Variants in GLIPR1L1 observed in about 807,000 individuals in gnomAD.
The protein encoded by GLIPR1L1 is GLIPR1-like protein 1.
Under a neutral mutation model 29.9 loss-of-function variants are expected in GLIPR1L1, and 26 were observed. That is an observed-to-expected ratio of 0.87 (90% CI 0.64 to 1.21). The LOEUF (loss-of-function observed/expected upper bound fraction) is 1.21. Ranked by LOEUF, GLIPR1L1 falls within the 50% of genes most tolerant of loss-of-function variation. GLIPR1L1 has a pLI of 0.00. For synonymous variants in GLIPR1L1, 77 were observed against 97.5 expected (o/e 0.79, Z 1.24); for missense variants, 305 against 290.3 (o/e 1.05, Z -0.37).
At chr12:75,369,832 A>C (rs553973228) in intron 4 of GLIPR1L1, 128 bp from the exon 5 acceptor site, 11 of 1,325,690 alleles carry the variant, frequency 8.3e-6, no homozygotes, top group Middle Eastern at 2.9e-4. Context: ...GGAAAGTTTC[A>C]TTTTCTTGTT....
chr12:75,363,023 AAAC>A (rs2043714364), intron 3 of GLIPR1L1, 76 bp from the exon 4 acceptor site: 1 of 634,004 alleles, frequency 1.6e-6, no homozygotes, highest in Non-Finnish European at 2.8e-6. Context: ...TAAATGACTA[AAAC>A]AACTTGCATA....
intron 4 of GLIPR1L1, among the ~76,000 whole-genome samples, chr12:75,368,298 A>G (rs2044125208): frequency 6.7e-6 from 1 of 150,014 alleles, no homozygotes; most frequent in South Asian, 2.1e-4. Flanking sequence ...TTGGCCATAT[A>G]ATTTTCCTCC....
chr12:75,348,386 G>A (rs2042589570), intron 3 of GLIPR1L1, among the ~76,000 whole-genome samples: 2 of 152,112 alleles, frequency 1.3e-5, no homozygotes, highest in South Asian at 4.1e-4. Context: ...CTAGAGAGAG[G>A]CAGAAATGTG....
At chr12:75,350,177 C>A (rs1359382756) in intron 3 of GLIPR1L1, among the ~76,000 whole-genome samples, 1 of 152,220 alleles carries the variant, frequency 6.6e-6, no homozygotes. Flanking sequence ...TCTTGCCAGG[C>A]AGGGCCTACC....
At chr12:75,363,992 A>C (rs966697100) in intron 4 of GLIPR1L1, among the ~76,000 whole-genome samples, 1 of 152,186 alleles carries the variant, frequency 6.6e-6, no homozygotes, top group Non-Finnish European at 1.5e-5. Context: ...TAATTGTCTA[A>C]AGGCTTACGA....
intron 2 of GLIPR1L1, among the ~76,000 whole-genome samples, chr12:75,345,265 CT>C (rs539468616): frequency 6.6e-6 from 1 of 151,444 alleles, no homozygotes; most frequent in African/African-American, 2.4e-5. Flanking sequence ...CAGTTTCTAT[CT>C]TTTTTTTTCT....
intron 3 of GLIPR1L1, among the ~76,000 whole-genome samples, chr12:75,352,023 G>T (rs1302797526): frequency 6.6e-6 from 1 of 152,066 alleles, no homozygotes; most frequent in Admixed American, 6.6e-5. Flanking sequence ...ATATGGAAAG[G>T]AAAAATGGTT....
At chr12:75,369,384 A>T (rs1353021133) in intron 4 of GLIPR1L1, 1 of 321,572 alleles carries the variant, frequency 3.1e-6, no homozygotes, top group Non-Finnish European at 4.5e-6. Context: ...AAGGGATTTT[A>T]TTTTTTGCTG....
intron 4 of GLIPR1L1, among the ~76,000 whole-genome samples, chr12:75,369,212 C>T (rs1049104869): frequency 6.6e-6 from 1 of 151,828 alleles, no homozygotes; most frequent in East Asian, 1.9e-4. Context: ...TTTTTCAATA[C>T]ATTTTAGCTA....
At chr12:75,350,447 G>A (rs781017086) in intron 3 of GLIPR1L1, among the ~76,000 whole-genome samples, 4 of 152,136 alleles carry the variant, frequency 2.6e-5, no homozygotes, top group East Asian at 3.9e-4. Context: ...GCATTCTGGC[G>A]GGCATCAGGT....
chr12:75,360,175 G>C (rs116540034), intron 3 of GLIPR1L1: 1 of 151,956 alleles, frequency 6.6e-6, no homozygotes, highest in African/African-American at 2.4e-5. Flanking sequence ...ATTACAATTC[G>C]AGATAAGGTT....
rs901094642 is a variant in GLIPR1L1, at chr12:75,370,280, C to G, written c.*104C>G. On this transcript the variant is annotated 3_prime_UTR_variant, in exon 6 of 6. Transcript: ENST00000378695. The stretch of plus-strand genomic sequence containing the variant: ...TTGCTTCTTTACTGAATCTTCTACA[C>G]TCTTGCCTGATACCTAAATTTAATG... The G allele has an allele frequency of 1.1e-5, 7 of 623,676 alleles. No individual in the cohort carries two copies. Among genetic ancestry groups the G allele is most frequent in the South Asian group, 8.3e-5 (4 of 47,944 alleles). The allele number at this position is 623,676 out of a possible 1,614,324, so 38.6% of individuals were successfully genotyped here.
intron 3 of GLIPR1L1, among the ~76,000 whole-genome samples, chr12:75,358,020 TA>T (rs2043267302): frequency 6.8e-6 from 1 of 146,660 alleles, no homozygotes; most frequent in South Asian, 2.1e-4. Flanking sequence ...ATAAATAAAA[TA>T]ACAAACAGAA....
chr12:75,358,191 T>A (rs2139538545), intron 3 of GLIPR1L1, among the ~76,000 whole-genome samples: 1 of 151,670 alleles, frequency 6.6e-6, no homozygotes, highest in Non-Finnish European at 1.5e-5. Flanking sequence ...AAGAAAATAA[T>A]AATAACATTT....
Position 75,343,828 on chromosome 12 carries a change from G to A in GLIPR1L1, c.310G>A (p.Gly104Arg), listed in dbSNP as rs1478098969. The A allele has an allele frequency of 1.2e-6, 2 of 1,613,272 alleles. No individual in the cohort carries two copies. The highest frequency in any genetic ancestry group is 2.2e-5 in the South Asian group (2 of 91,050). The change falls in exon 2 of 6, where the codon GGA (glycine) becomes AGA (arginine). Residue 104 changes from glycine (G) to arginine (R), a missense_variant. Transcript: ENST00000378695. ...EYVGENIWLG[G>R]IKSFTPRHAI... Reference sequence around the variant, plus strand: ...TGTTGGAGAAAATATCTGGTTAGGTGGAATAAAGTCATTCACACCAAGACA... The same window carrying A: ...TGTTGGAGAAAATATCTGGTTAGGTAGAATAAAGTCATTCACACCAAGACA...
chr12:75,343,789 G>T lies in GLIPR1L1; in HGVS notation c.271G>T (p.Ala91Ser), dbSNP rs757878744. Residue 91 changes from alanine (A) to serine (S), a missense_variant, in exon 2 of 6, where the codon GCA becomes TCA. Physicochemically the swap from Ala to Ser is moderately conservative, Grantham distance 99. Coordinates refer to ENST00000378695, the MANE Select transcript of GLIPR1L1 (RefSeq NM_001304964.2). ...TTTGGATAAATCATATAAATGCTAT[G>T]CAGCTTTTGAATATGTTGGAGAAAA... ...DCLDKSYKCY[A>S]AFEYVGENIW... 1.9e-6 allele frequency: 3 copies of T among 1,612,868 alleles called. No homozygotes were observed. Among genetic ancestry groups the T allele is most frequent in the Non-Finnish European group, 1.7e-6 (2 of 1,179,080 alleles).
chr12:75,341,451 T>C (rs1253716548), intron 1 of GLIPR1L1, among the ~76,000 whole-genome samples: 1 of 151,584 alleles, frequency 6.6e-6, no homozygotes, highest in Non-Finnish European at 1.5e-5. Context: ...TTTTTTCTTT[T>C]TCTTTTTTTC....
At chr12:75,353,841 G>A (rs919205441) in intron 3 of GLIPR1L1, among the ~76,000 whole-genome samples, 4 of 152,034 alleles carry the variant, frequency 2.6e-5, no homozygotes, top group Non-Finnish European at 4.4e-5. Context: ...TTCAACATAC[G>A]CAAATCAATG....
intron 3 of GLIPR1L1, among the ~76,000 whole-genome samples, chr12:75,351,162 C>G (rs1164441267): frequency 6.6e-6 from 1 of 152,026 alleles, no homozygotes; most frequent in Non-Finnish European, 1.5e-5. Context: ...AAGGAACAAA[C>G]AAAACCTGTG....
Sources: allele counts gnomAD v4.1 joint callset (sites outside exome capture counted in the v4.1 genomes callset), GRCh38; gene constraint gnomAD v4.1.1; transcripts MANE v1.5; gene names NCBI Gene and HGNC (gene_info 2026-07-23, HGNC 2026-07-21).